The following TM7SF3 variants were observed in gnomAD, a reference collection of about 807,000 sequenced individuals.
TM7SF3 encodes the protein seven span transmembrane protein.
Under a neutral mutation model 65.5 loss-of-function variants are expected in TM7SF3, and 60 were observed. That is an observed-to-expected ratio of 0.92 (90% CI 0.74 to 1.14). The LOEUF is 1.14. TM7SF3 is among the 50% of genes most tolerant of loss of function. The pLI, the probability that TM7SF3 is intolerant of heterozygous loss-of-function variation, is 0.00. For synonymous variants in TM7SF3, 264 were observed against 259.6 expected, an observed-to-expected ratio of 1.02 and a Z score of -0.16; for missense variants, 623 against 684.8, an observed-to-expected ratio of 0.91 and a Z score of 1.01.
At chr12:26,985,731 T>C (rs1347521894) in intron 6 of TM7SF3, among the ~76,000 whole-genome samples, 2 of 141,718 alleles carry the variant, frequency 1.4e-5, no homozygotes, top group Non-Finnish European at 3.0e-5. Flanking sequence ...CCCTCAAGGA[T>C]CTTGAGTGGA....
In TM7SF3 at chr12:27,014,160, G is replaced by A. The variant is rs1479620399; in HGVS notation, c.9C>T (p.Phe3=). 1.5e-5 allele frequency: 24 copies of A among 1,560,276 alleles called. No individual in the cohort carries two copies. The highest frequency in any genetic ancestry group is 2.0e-5 in the Non-Finnish European group (23 of 1,152,006). Residue 3 remains phenylalanine (F), a synonymous_variant, in exon 1 of 12, where the codon TTC becomes TTT. Coordinates refer to ENST00000343028, the MANE Select transcript of TM7SF3 (RefSeq NM_016551.3). Reference sequence around the variant, plus strand: ...GCACCGCTACGACCAGCAGCTGCAGGAACCCCATTGCTGCCTGGGCCGGGC... The same window carrying A: ...GCACCGCTACGACCAGCAGCTGCAGAAACCCCATTGCTGCCTGGGCCGGGC... The part of the protein sequence containing the change: MG[F]LQLLVVAVLA...
At chr12:26,983,464 T>A (rs998659060) in intron 6 of TM7SF3, 2 of 400,544 alleles carry the variant, frequency 5.0e-6, no homozygotes, top group African/African-American at 4.1e-5. Context: ...GTTCTATTTT[T>A]TAAGTGCTTA....
intron 9 of TM7SF3, chr12:26,978,042 G>A (rs965757735): frequency 1.1e-5 from 5 of 445,908 alleles, no homozygotes; most frequent in African/African-American, 1.0e-4. Context: ...GTTGCAGTGA[G>A]CTATGATAGT....
rs1939531845 is a variant in TM7SF3, at chr12:26,975,632, AAT to A, written c.1312_1313del (p.Ile438TrpfsTer10). On this transcript the variant is annotated frameshift_variant, in exon 11 of 12. Transcript: ENST00000343028. LOFTEE classifies it high-confidence loss of function. The stretch of plus-strand genomic sequence containing the variant: ...TGGCTAAAACCACCGAATAGGAGCC[AAT>A]GACTCCACAAGTCAGTATGTTCAGC... ...RILNILTCGV[I>X]GSYSVVLAID... 8.1e-6 allele frequency: 13 copies of A among 1,613,274 alleles called. No individual in the cohort carries two copies. The highest frequency in any genetic ancestry group is 1.1e-5 in the Non-Finnish European group (13 of 1,179,898).
chr12:27,001,671 A>C (rs1940836654), intron 2 of TM7SF3, among the ~76,000 whole-genome samples: 1 of 152,194 alleles, frequency 6.6e-6, no homozygotes, highest in Admixed American at 6.5e-5. Flanking sequence ...TGTCATTAGG[A>C]AGAAACACAC....
chr12:26,978,744 ATT>A (rs4036423), intron 9 of TM7SF3: 67,828 of 141,528 alleles, frequency 0.48, 16,797 homozygotes, highest in East Asian at 0.75. Context: ...CACCTGGCTA[ATT>A]TTTTTTTTTT....
At chr12:26,982,990 T>C (rs1009047619) in intron 6 of TM7SF3, 131 bp from the exon 7 acceptor site, 1 of 622,044 alleles carries the variant, frequency 1.6e-6, no homozygotes, top group African/African-American at 1.9e-5. Flanking sequence ...ATATTACAAA[T>C]TTATCTTTAA....
intron 1 of TM7SF3, among the ~76,000 whole-genome samples, chr12:27,013,292 C>T (rs1941320406): frequency 6.6e-6 from 1 of 152,182 alleles, no homozygotes; most frequent in African/African-American, 2.4e-5. Context: ...TATGAGACAA[C>T]AGAGAACACA....
chr12:27,006,832 T>A (rs1311048779), intron 1 of TM7SF3, among the ~76,000 whole-genome samples: 2 of 152,232 alleles, frequency 1.3e-5, no homozygotes, highest in African/African-American at 4.8e-5. Context: ...TCTGGGTATG[T>A]ACCATAATTA....
Position 26,975,540 on chromosome 12 carries a change from T to C in TM7SF3, c.1406A>G (p.Lys469Arg). 1 of 1,614,178 alleles carries C rather than the reference T, an allele frequency of 6.2e-7. No individual in the cohort carries two copies. Among genetic ancestry groups the C allele is most frequent in the Non-Finnish European group, 8.5e-7 (1 of 1,180,000 alleles). The change falls in exon 11 of 12, where the codon AAG becomes AGG. Residue 469 changes from lysine (K) to arginine (R), a missense_variant. Physicochemically the swap from Lys to Arg is conservative, Grantham distance 26 (BLOSUM62 2). Transcript: ENST00000343028. ...ATTTGTGAAAGCTCTGTGGAAATCC[T>C]TGTTGAGCGCTCTCTTGAGTACGTT... ...TLNVLKRALN[K>R]DFHRAFTNVP... is the part of the protein sequence containing the mutation.
intron 3 of TM7SF3, among the ~76,000 whole-genome samples, chr12:26,997,510 G>A (rs1462921010): frequency 6.6e-6 from 1 of 152,090 alleles, no homozygotes; most frequent in Non-Finnish European, 1.5e-5. Context: ...CACTGTCCTT[G>A]ACGCAAGCCT....
At chr12:26,989,042 A>T (rs1940227020) in intron 6 of TM7SF3, among the ~76,000 whole-genome samples, 1 of 152,214 alleles carries the variant, frequency 6.6e-6, no homozygotes, top group East Asian at 1.9e-4. Flanking sequence ...AGTCTATGAT[A>T]AATATAACAT....
intron 1 of TM7SF3, among the ~76,000 whole-genome samples, chr12:27,011,835 T>G (rs1941254455): frequency 6.6e-6 from 1 of 152,214 alleles, no homozygotes; most frequent in African/African-American, 2.4e-5. Context: ...GCTATAATCA[T>G]AGCAAAGAGG....
intron 11 of TM7SF3, among the ~76,000 whole-genome samples, chr12:26,975,268 A>C (rs1939517258): frequency 6.6e-6 from 1 of 152,202 alleles, no homozygotes; most frequent in South Asian, 2.1e-4. Flanking sequence ...AAATTTCTTA[A>C]TGAAATTCAT....
intron 6 of TM7SF3, among the ~76,000 whole-genome samples, chr12:26,987,366 T>G (rs992091064): frequency 2.6e-5 from 4 of 152,166 alleles, no homozygotes; most frequent in Non-Finnish European, 4.4e-5. Flanking sequence ...ATGGTCGCTC[T>G]CTCTCTCCAG....
intron 1 of TM7SF3, among the ~76,000 whole-genome samples, chr12:27,009,244 T>C (rs532577382): frequency 2.0e-5 from 3 of 152,272 alleles, no homozygotes; most frequent in South Asian, 2.1e-4. Context: ...TACATTTCCA[T>C]ATAAGTTTTA....
intron 6 of TM7SF3, among the ~76,000 whole-genome samples, chr12:26,985,057 G>A (rs1033171175): frequency 2.6e-5 from 4 of 152,270 alleles, no homozygotes; most frequent in South Asian, 2.1e-4. Context: ...AACTTTGGGC[G>A]GGAAGAACAA....
intron 2 of TM7SF3, 70 bp downstream of exon 2, chr12:27,003,166 A>G (rs1940900219): frequency 9.3e-7 from 1 of 1,069,922 alleles, no homozygotes; most frequent in East Asian, 2.5e-5. Context: ...TCAAATTCTA[A>G]TGCTCATACT....
chr12:27,003,782 C>A (rs758219955), intron 1 of TM7SF3, among the ~76,000 whole-genome samples: 2 of 152,146 alleles, frequency 1.3e-5, no homozygotes, highest in African/African-American at 4.8e-5. Context: ...GAACCATAAC[C>A]GTCTAGTGAA....
Sources: allele counts gnomAD v4.1 joint callset (sites outside exome capture counted in the v4.1 genomes callset), GRCh38; gene constraint gnomAD v4.1.1; transcripts MANE v1.5; gene names NCBI Gene and HGNC (gene_info 2026-07-23, HGNC 2026-07-21).